MCM3AP: variants seen among roughly 807,000 people sequenced by gnomAD.
The protein encoded by MCM3AP is minichromosome maintenance complex component 3 associated protein, also known as germinal-center associated nuclear protein.
A neutral mutation model predicts 184.1 loss-of-function variants in MCM3AP; 126 were observed. That is an observed-to-expected ratio of 0.68 (90% CI 0.59 to 0.79). The LOEUF (loss-of-function observed/expected upper bound fraction) is 0.79, where lower values mean the gene tolerates loss of function less well. MCM3AP is among the 30% of genes least tolerant of loss of function. MCM3AP has a pLI of 0.00. For synonymous variants in MCM3AP, 1,002 were observed against 979.3 expected, an observed-to-expected ratio of 1.02 and a Z score of -0.43; for missense variants, 2,496 against 2,479.2, an observed-to-expected ratio of 1.01 and a Z score of -0.14.
intron 16 of MCM3AP, 47 bp downstream of exon 16, chr21:46,258,892 C>T (rs1244230199): frequency 1.2e-6 from 2 of 1,606,488 alleles, no homozygotes; most frequent in Non-Finnish European, 8.5e-7. Flanking sequence ...TGTTAAAAGA[C>T]TCTTCCCCGT....
intron 27 of MCM3AP, 163 bp from the exon 28 acceptor site, chr21:46,235,589 T>C (rs1322334361): frequency 3.2e-6 from 2 of 615,778 alleles, no homozygotes; most frequent in African/African-American, 1.8e-5. Flanking sequence ...TCCAGCCTCA[T>C]TTAGCTCGTA....
upstream of MCM3AP, chr21:46,286,221 G>A (rs2081424220): frequency 6.6e-6 from 1 of 152,294 alleles, no homozygotes; most frequent in Non-Finnish European, 1.5e-5. Flanking sequence ...CGCAAGCACA[G>A]GCTGCTGCCG....
At chr21:46,265,662 A>G (rs1569071512) in intron 11 of MCM3AP, 139 bp from the exon 12 acceptor site, 2 of 762,048 alleles carry the variant, frequency 2.6e-6, no homozygotes, top group Non-Finnish European at 4.1e-6. Context: ...GAGACCAGCT[A>G]CGTGGGACAA....
At position 46,272,548 on chromosome 21, in the gene MCM3AP, TG is replaced by T. The variant is rs1238150076; in HGVS notation, c.2465+12del. On this transcript the variant is annotated intron_variant, in intron 8 of 27. Coordinates refer to ENST00000291688, the MANE Select transcript of MCM3AP (RefSeq NM_003906.5). ...CAGCCACCTTAGGACAACTTTTGGA[TG>T]TGAAAATTCACCTTAGGATGTCTCC... The T allele has an allele frequency of 2.5e-6, 4 of 1,609,638 alleles. No individual in the cohort carries two copies. The highest frequency in any genetic ancestry group is 3.4e-6 in the Non-Finnish European group (4 of 1,177,370).
chr21:46,245,255 T>C, intron 22 of MCM3AP, 58 bp from the exon 23 acceptor site: 1 of 1,518,106 alleles, frequency 6.6e-7, no homozygotes, highest in Non-Finnish European at 8.9e-7. Context: ...AAAACAGCTT[T>C]CTGAAAGGGC....
chr21:46,256,519 T>A (rs1487255371), intron 17 of MCM3AP: 1 of 510,030 alleles, frequency 2.0e-6, no homozygotes, highest in African/African-American at 1.9e-5. Context: ...GAACACGTGA[T>A]GCAGAGTCAG....
intron 23 of MCM3AP, 151 bp downstream of exon 23, chr21:46,244,656 G>C (rs1196878208): frequency 1.2e-6 from 1 of 819,486 alleles, no homozygotes; most frequent in Non-Finnish European, 1.9e-6. Flanking sequence ...ACCAAAGGAA[G>C]GTGCAGGCGA....
Position 46,238,695 on chromosome 21 carries a change from G to A in MCM3AP, c.5634-1716C>T, listed in dbSNP as rs754897591. Among the ~76,000 whole-genome samples, 7 of 135,166 alleles carry A rather than the reference G, an allele frequency of 5.2e-5. 3 individuals carry two copies. Among genetic ancestry groups the A allele is most frequent in the East Asian group, 2.1e-4 (1 of 4,854 alleles). The allele number at this position is 135,166 out of a possible 152,430, so 88.7% of individuals were successfully genotyped here. ...TGCACTCTAGCCTGGGCAACAGAGC[G>A]AGACTCTATCTAATAAAAAGGAAAA... On this transcript the variant is annotated intron_variant, in intron 26 of 27. Transcript: ENST00000291688.
At position 46,244,917 on chromosome 21, in the gene MCM3AP, C is replaced by A. The variant is rs1461006457; in HGVS notation, c.4928G>T (p.Gly1643Val). The change falls in exon 23 of 28, where the codon GGC becomes GTC. Residue 1643 changes from glycine (G) to valine (V), a missense_variant. Physicochemically the swap from Gly to Val is moderately radical, Grantham distance 109 (BLOSUM62 -3). Transcript: ENST00000291688. Reference sequence around the variant, plus strand: ...GTGCAGGTGAGGAAGCAGCCGGCTGCCCCCTGCCTCAGCAAACTCAGTGAC... The same window carrying A: ...GTGCAGGTGAGGAAGCAGCCGGCTGACCCCTGCCTCAGCAAACTCAGTGAC... ...WPVTEFAEAGGSRLLPHLHWN... is the reference protein window; with the variant it reads ...WPVTEFAEAGVSRLLPHLHWN... The A allele has an allele frequency of 5.6e-6, 9 of 1,614,162 alleles. No homozygotes were observed. The highest frequency in any genetic ancestry group is 7.6e-6 in the Non-Finnish European group (9 of 1,180,020).
chr21:46,240,673 A>T, intron 26 of MCM3AP, 138 bp downstream of exon 26: 1 of 716,736 alleles, frequency 1.4e-6, no homozygotes, highest in East Asian at 2.5e-5. Context: ...TTAAATAGTT[A>T]CATCACTAAA....
At position 46,265,526 on chromosome 21, in the gene MCM3AP, G is replaced by A. The variant is rs754199099; in HGVS notation, c.3032-3C>T. On this transcript the variant is annotated splice_polypyrimidine_tract_variant and splice_region_variant and intron_variant, in intron 11 of 27. Transcript: ENST00000291688. ...ACACTCCTCTCCTCTCCCTCCGCCT[G>A]GAAGGAAACATACAGGACAAAACAT... is the stretch of plus-strand genomic sequence containing the variant. 1.9e-6 allele frequency: 3 copies of A among 1,581,678 alleles called. No homozygotes were observed. Among genetic ancestry groups the A allele is most frequent in the Non-Finnish European group, 2.6e-6 (3 of 1,164,394 alleles).
chr21:46,254,703 G>A, intron 18 of MCM3AP, 73 bp downstream of exon 18: 2 of 1,476,296 alleles, frequency 1.4e-6, no homozygotes, highest in Non-Finnish European at 1.9e-6. Context: ...GATGCATGAA[G>A]GGGGCTGCCA....
chr21:46,256,613 T>C (rs998570328), intron 17 of MCM3AP, 176 bp downstream of exon 17: 2 of 708,658 alleles, frequency 2.8e-6, no homozygotes, highest in African/African-American at 3.6e-5. Context: ...TCCACAACTG[T>C]GGGAGACAAC....
At chr21:46,281,504 T>C (rs1275551639) in intron 2 of MCM3AP, among the ~76,000 whole-genome samples, 1 of 152,048 alleles carries the variant, frequency 6.6e-6, no homozygotes, top group Non-Finnish European at 1.5e-5. Flanking sequence ...ATAAGCACAT[T>C]GCAACAGGCA....
At chr21:46,261,140 A>G in intron 14 of MCM3AP, 140 bp downstream of exon 14, 3 of 1,130,230 alleles carry the variant, frequency 2.7e-6, no homozygotes, top group East Asian at 2.4e-5. Flanking sequence ...CCTGGGCTGA[A>G]GCATAGGAGG....
rs756628652 is a variant in MCM3AP at position 46,265,456 on chromosome 21, T to G, written c.3099A>C (p.Leu1033=). The change falls in exon 12 of 28, where the codon CTA becomes CTC. Residue 1033 remains leucine, a synonymous_variant. Coordinates refer to ENST00000291688, the MANE Select transcript of MCM3AP (RefSeq NM_003906.5). The part of the protein sequence containing the change: ...DAPLSSLPQS[L]PAPAPSPVPL... ...GCACTGGTGAGGGCGCAGGGGCTGGTAGAGACTGTGGGAGACTGGACAGGG... is the reference window on the plus strand; with the variant it reads ...GCACTGGTGAGGGCGCAGGGGCTGGGAGAGACTGTGGGAGACTGGACAGGG... The G allele has an allele frequency of 3.1e-6, 5 of 1,613,590 alleles. No individual in the cohort carries two copies. The highest frequency in any genetic ancestry group is 3.4e-6 in the Non-Finnish European group (4 of 1,179,842).
At chr21:46,251,922 G>A (rs961135544) in intron 19 of MCM3AP, 2 of 289,212 alleles carry the variant, frequency 6.9e-6, no homozygotes, top group Non-Finnish European at 1.2e-5. Flanking sequence ...GTCTCGCTCT[G>A]TCGCCCAAGC....
chr21:46,273,115 C>T (rs1422052517), intron 7 of MCM3AP, among the ~76,000 whole-genome samples: 3 of 152,064 alleles, frequency 2.0e-5, no homozygotes, highest in African/African-American at 2.4e-5. Flanking sequence ...GCTGGGACTA[C>T]AGGCGTGTGC....
chr21:46,238,227 CTTGTAA>C (rs1183651295), intron 26 of MCM3AP, among the ~76,000 whole-genome samples: 1 of 119,800 alleles, frequency 8.3e-6, no homozygotes, highest in Non-Finnish European at 1.8e-5. Context: ...CTTAACATTA[CTTGTAA>C]TTGTCTTGTT....
Sources: allele counts gnomAD v4.1 joint callset (sites outside exome capture counted in the v4.1 genomes callset), GRCh38; gene constraint gnomAD v4.1.1; transcripts MANE v1.5; gene names NCBI Gene and HGNC (gene_info 2026-07-23, HGNC 2026-07-21).